Variants in SNX29 observed in about 807,000 individuals in gnomAD.
SNX29 encodes sorting nexin-29.
A neutral mutation model predicts 102.1 loss-of-function variants in SNX29; 78 were observed. That is an observed-to-expected ratio of 0.76 (90% CI 0.64 to 0.92). The LOEUF is 0.92. SNX29 is among the 40% of genes least tolerant of loss of function. SNX29 has a pLI of 0.00. For synonymous variants in SNX29, 580 were observed against 414.5 expected (o/e 1.40, Z -4.85); for missense variants, 1,280 against 1,061.7 (o/e 1.21, Z -2.86).
chr16:12,052,242 G>A lies in SNX29; in HGVS notation c.1124+20G>A. ...CGAGAAGTAAGTTTGTGTGTAAGGT[G>A]GAGTCTCACCGTCCCCCAGGCTGGA... On this transcript the variant is annotated intron_variant, in intron 8 of 20. Transcript: ENST00000566228. The A allele has an allele frequency of 6.2e-7, 1 of 1,613,248 alleles. No homozygotes were observed. The highest frequency in any genetic ancestry group is 1.7e-5 in the Admixed American group (1 of 59,932).
intron 11 of SNX29, among the ~76,000 whole-genome samples, chr16:12,083,932 G>A (rs969674694): frequency 6.6e-5 from 10 of 152,286 alleles, no homozygotes; most frequent in East Asian, 1.9e-4. Context: ...CAGTGCCTGC[G>A]GATAATTGTG....
At chr16:12,383,084 A>G (rs1416145999) in intron 16 of SNX29, among the ~76,000 whole-genome samples, 1 of 152,208 alleles carries the variant, frequency 6.6e-6, no homozygotes, top group Non-Finnish European at 1.5e-5. Flanking sequence ...TTTAGAAGAT[A>G]CAAGTAATAC....
chr16:12,556,996 C>T (rs1464204848), intron 20 of SNX29, among the ~76,000 whole-genome samples: 1 of 140,594 alleles, frequency 7.1e-6, no homozygotes, highest in Non-Finnish European at 1.5e-5. Context: ...AACAGGTACA[C>T]ACCACATCTG....
At chr16:12,458,586 T>C (rs1032211813) in intron 18 of SNX29, among the ~76,000 whole-genome samples, 1 of 152,242 alleles carries the variant, frequency 6.6e-6, no homozygotes, top group Non-Finnish European at 1.5e-5. Context: ...TTTATACTCT[T>C]GGTGTTGGCT....
At chr16:12,542,744 C>T (rs757094575) in intron 20 of SNX29, among the ~76,000 whole-genome samples, 123 of 138,626 alleles carry the variant, frequency 8.9e-4, no homozygotes, top group Non-Finnish European at 1.6e-3. Flanking sequence ...CATATAAGCA[C>T]TAGACTATCA....
chr16:12,543,559 C>A (rs1357180641), intron 20 of SNX29, among the ~76,000 whole-genome samples: 2 of 152,210 alleles, frequency 1.3e-5, no homozygotes, highest in African/African-American at 2.4e-5. Context: ...GCCCACTGAG[C>A]CACGAGATCA....
intron 15 of SNX29, among the ~76,000 whole-genome samples, chr16:12,305,972 T>G (rs1161230638): frequency 6.6e-6 from 1 of 152,112 alleles, no homozygotes; most frequent in Non-Finnish European, 1.5e-5. Context: ...TTAATTCATT[T>G]TAAATAGTCC....
At chr16:12,399,815 C>T (rs758274764) in intron 17 of SNX29, among the ~76,000 whole-genome samples, 13 of 152,006 alleles carry the variant, frequency 8.6e-5, no homozygotes, top group Non-Finnish European at 1.5e-4. Context: ...GGTGAATTTG[C>T]CTGCTGTGGG....
At chr16:12,440,822 T>G (rs2085767293) in intron 18 of SNX29, among the ~76,000 whole-genome samples, 1 of 152,250 alleles carries the variant, frequency 6.6e-6, no homozygotes, top group African/African-American at 2.4e-5. Context: ...TACCACGTTT[T>G]CTTTAACCAG....
intron 20 of SNX29, among the ~76,000 whole-genome samples, chr16:12,548,954 C>G (rs918778544): frequency 1.3e-5 from 2 of 152,194 alleles, no homozygotes; most frequent in East Asian, 1.9e-4. Flanking sequence ...TTAGGGAACT[C>G]TCAAGCAACA....
intron 13 of SNX29, among the ~76,000 whole-genome samples, chr16:12,167,564 C>G (rs1316783213): frequency 6.6e-6 from 1 of 152,152 alleles, no homozygotes; most frequent in Non-Finnish European, 1.5e-5. Flanking sequence ...TCATTGATTC[C>G]ATTATCGCCA....
rs2077351470 is a variant in SNX29, at chr16:12,217,367, G to A, written c.1678+17684G>A. On this transcript the variant is annotated intron_variant, in intron 14 of 20. Coordinates refer to ENST00000566228, the MANE Select transcript of SNX29 (RefSeq NM_032167.5). ...ACACTTGTTTGTTAGCAGCCACTGT[G>A]CTTTTGATGAGCCATCTGGGAGGAG... Among the ~76,000 whole-genome samples the A allele has an allele frequency of 2.6e-5, 4 of 152,296 alleles. No homozygotes were observed. In the South Asian group the frequency reaches 8.3e-4, roughly 32 times the overall value.
chr16:12,398,330 C>A, intron 16 of SNX29, 116 bp from the exon 17 acceptor site: 2 of 1,144,872 alleles, frequency 1.7e-6, no homozygotes, highest in Non-Finnish European at 2.6e-6. Context: ...TTTTTCACTT[C>A]ATTCTGAATA....
chr16:12,254,473 C>G (rs950824661), intron 14 of SNX29, among the ~76,000 whole-genome samples: 3 of 152,068 alleles, frequency 2.0e-5, no homozygotes. Context: ...ATCCCCGTCT[C>G]TACTGAAAAT....
At chr16:12,182,592 G>C (rs1019652404) in intron 13 of SNX29, among the ~76,000 whole-genome samples, 1 of 152,184 alleles carries the variant, frequency 6.6e-6, no homozygotes, top group Non-Finnish European at 1.5e-5. Flanking sequence ...CTGCCAACCA[G>C]TTACCTCTAG....
chr16:12,516,961 A>G (rs2089893290), intron 19 of SNX29, among the ~76,000 whole-genome samples: 1 of 152,200 alleles, frequency 6.6e-6, no homozygotes, highest in Admixed American at 6.5e-5. Context: ...TGATAACTTT[A>G]TCTTCTTGAA....
At chr16:12,143,982 G>T (rs2054959536) in intron 13 of SNX29, among the ~76,000 whole-genome samples, 1 of 152,164 alleles carries the variant, frequency 6.6e-6, no homozygotes, top group African/African-American at 2.4e-5. Context: ...TTAGAGCAGA[G>T]TTTCTCAAAC....
intron 14 of SNX29, among the ~76,000 whole-genome samples, chr16:12,244,290 G>T (rs1044827353): frequency 6.6e-6 from 1 of 152,136 alleles, no homozygotes; most frequent in Non-Finnish European, 1.5e-5. Flanking sequence ...TCTGAGAGTG[G>T]AAGAAAGGAC....
intron 15 of SNX29, among the ~76,000 whole-genome samples, chr16:12,279,993 C>T (rs2079381073): frequency 6.6e-6 from 1 of 152,172 alleles, no homozygotes; most frequent in African/African-American, 2.4e-5. Flanking sequence ...AGGCAGCGCT[C>T]TCCGTGGAGA....
Sources: allele counts gnomAD v4.1 joint callset (sites outside exome capture counted in the v4.1 genomes callset), GRCh38; gene constraint gnomAD v4.1.1; transcripts MANE v1.5; gene names NCBI Gene and HGNC (gene_info 2026-07-23, HGNC 2026-07-21).